DPYD: variants seen among roughly 807,000 people sequenced by gnomAD.
The protein encoded by DPYD is dihydropyrimidine dehydrogenase [NADP(+)].
DPYD carries 109 observed loss-of-function variants against 116.2 expected under a neutral mutation model. That is an observed-to-expected ratio of 0.94 (90% CI 0.80 to 1.10). The LOEUF is 1.10. Ranked by LOEUF, DPYD falls within the 50% of genes least tolerant of loss-of-function variation. The pLI is 0.00. For missense variants in DPYD, 1,302 were observed against 1,254.5 expected (o/e 1.04, Z -0.57); for synonymous variants, 440 against 432.0 (o/e 1.02, Z -0.23).
At chr1:97,644,028 C>T (rs542604740) in intron 8 of DPYD, among the ~76,000 whole-genome samples, 1 of 151,982 alleles carries the variant, frequency 6.6e-6, no homozygotes, top group South Asian at 2.1e-4. Context: ...CACGTGTGTA[C>T]CTATGTAACA....
chr1:97,283,559 T>C (rs981772390), intron 18 of DPYD, among the ~76,000 whole-genome samples: 2 of 152,146 alleles, frequency 1.3e-5, no homozygotes, highest in Non-Finnish European at 2.9e-5. Flanking sequence ...AACTGCCATA[T>C]TCATTTCTAA....
At chr1:97,889,731 T>C (rs2101657062) in intron 1 of DPYD, among the ~76,000 whole-genome samples, 1 of 152,088 alleles carries the variant, frequency 6.6e-6, no homozygotes, top group East Asian at 1.9e-4. Flanking sequence ...AACAGAAGAC[T>C]TGAATAACAA....
At chr1:97,727,990 C>T (rs1314479039) in intron 4 of DPYD, among the ~76,000 whole-genome samples, 2 of 151,892 alleles carry the variant, frequency 1.3e-5, no homozygotes, top group African/African-American at 4.8e-5. Context: ...AAAATACACA[C>T]TACTTCAACT....
At chr1:97,124,088 T>C (rs1054065023) in intron 20 of DPYD, among the ~76,000 whole-genome samples, 1 of 152,144 alleles carries the variant, frequency 6.6e-6, no homozygotes, top group Non-Finnish European at 1.5e-5. Flanking sequence ...TCTCAATTTT[T>C]GCGTGAAAGT....
chr1:97,234,414 A>C (rs996315934), intron 19 of DPYD, among the ~76,000 whole-genome samples: 11 of 152,224 alleles, frequency 7.2e-5, no homozygotes, highest in African/African-American at 2.7e-4. Flanking sequence ...ATATTTTAAA[A>C]GTTATAAAGC....
chr1:97,707,985 A>C (rs1662076555), intron 5 of DPYD, among the ~76,000 whole-genome samples: 1 of 151,898 alleles, frequency 6.6e-6, no homozygotes, highest in African/African-American at 2.4e-5. Context: ...AGTTTCCTGC[A>C]GAGTAGAAGT....
chr1:97,539,614 A>G (rs1557783282), intron 12 of DPYD, among the ~76,000 whole-genome samples: 1 of 152,218 alleles, frequency 6.6e-6, no homozygotes, highest in Non-Finnish European at 1.5e-5. Context: ...TAGAGAATTG[A>G]AAACAATTCT....
chr1:97,404,749 T>G (rs1338059135), intron 14 of DPYD, among the ~76,000 whole-genome samples: 1 of 152,112 alleles, frequency 6.6e-6, no homozygotes, highest in African/African-American at 2.4e-5. Context: ...ATCTTTGTCT[T>G]TTAATTGGCG....
At chr1:97,428,702 A>T (rs921376184) in intron 14 of DPYD, among the ~76,000 whole-genome samples, 1 of 152,048 alleles carries the variant, frequency 6.6e-6, no homozygotes, top group African/African-American at 2.4e-5. Flanking sequence ...ACTTCATAAC[A>T]TCTCTTACAG....
At position 97,516,150 on chromosome 1, in the gene DPYD, C is replaced by T. The variant is rs1337752; in HGVS notation, c.1525-209G>A. ...AATTTCAAAGGCAGTATGAAGAGTA[C>T]TAGCAGAAATAAAATCAATTAAATC... On this transcript the variant is annotated intron_variant, in intron 12 of 22. Transcript: ENST00000370192. 0.62 allele frequency among the ~76,000 whole-genome samples: 93,580 copies of T among 151,702 alleles called. 29,023 individuals are homozygous for T. Among genetic ancestry groups the T allele is most frequent in the East Asian group, 0.75 (3,854 of 5,124 alleles).
intron 22 of DPYD, among the ~76,000 whole-genome samples, chr1:97,080,033 G>T (rs1245046730): frequency 6.6e-6 from 1 of 151,964 alleles, no homozygotes; most frequent in Non-Finnish European, 1.5e-5. Context: ...GATGAAAAAT[G>T]ACATGTAAGA....
At position 97,134,903 on chromosome 1, in the gene DPYD, T is replaced by C. The variant is rs550507698; in HGVS notation, c.2623-36271A>G. ...AGTACCTCAGTGTTGGGAGTTTAAATAGAAAAAGATCTGATAAAATAATTT... is the reference window on the plus strand; with the variant it reads ...AGTACCTCAGTGTTGGGAGTTTAAACAGAAAAAGATCTGATAAAATAATTT... On this transcript the variant is annotated intron_variant, in intron 20 of 22. Transcript: ENST00000370192. Among the ~76,000 whole-genome samples the C allele has an allele frequency of 3.3e-5, 5 of 152,272 alleles. 1 individual carries two copies. The highest frequency in any genetic ancestry group is 1.3e-4 in the Admixed American group (2 of 15,282).
chr1:97,240,352 GA>G (rs1662248156), intron 18 of DPYD, among the ~76,000 whole-genome samples: 2 of 151,784 alleles, frequency 1.3e-5, no homozygotes, highest in Non-Finnish European at 2.9e-5. Context: ...AATCCTTGAA[GA>G]AAAAAGGAAT....
chr1:97,374,266 G>C (rs1435105729), intron 15 of DPYD, among the ~76,000 whole-genome samples: 2 of 152,030 alleles, frequency 1.3e-5, no homozygotes, highest in African/African-American at 4.8e-5. Flanking sequence ...TTACTTAATA[G>C]GAATCCTTCT....
At chr1:97,642,848 T>A (rs2100822391) in intron 8 of DPYD, among the ~76,000 whole-genome samples, 1 of 151,490 alleles carries the variant, frequency 6.6e-6, no homozygotes, top group Non-Finnish European at 1.5e-5. Context: ...AACCTGCACA[T>A]TGTGCACATG....
At chr1:97,852,942 G>T (rs951236638) in intron 2 of DPYD, among the ~76,000 whole-genome samples, 5 of 152,042 alleles carry the variant, frequency 3.3e-5, no homozygotes, top group African/African-American at 9.7e-5. Context: ...ATTTATTATT[G>T]AAAATCAATT....
chr1:97,535,996 G>T (rs983596387), intron 12 of DPYD, among the ~76,000 whole-genome samples: 7 of 152,142 alleles, frequency 4.6e-5, no homozygotes, highest in Non-Finnish European at 8.8e-5. Context: ...GAGTACTATA[G>T]GGTTTAATGT....
At chr1:97,609,543 T>A (rs946217736) in intron 8 of DPYD, among the ~76,000 whole-genome samples, 3 of 152,012 alleles carry the variant, frequency 2.0e-5, no homozygotes, top group Non-Finnish European at 4.4e-5. Context: ...AAAAACACTA[T>A]GGACTAGGTA....
At chr1:97,559,149 T>A (rs2102126458) in intron 11 of DPYD, among the ~76,000 whole-genome samples, 1 of 152,214 alleles carries the variant, frequency 6.6e-6, no homozygotes, top group African/African-American at 2.4e-5. Flanking sequence ...CGTATTGAAA[T>A]ATTTTTTGTA....
Sources: gnomAD v4.1 joint callset for allele counts (sites outside exome capture counted in the v4.1 genomes callset) on GRCh38, gnomAD v4.1.1 for gene constraint, MANE v1.5 for transcripts, NCBI Gene and HGNC (gene_info 2026-07-23, HGNC 2026-07-21) for gene names.